Variants in UNC13A observed in about 807,000 individuals in gnomAD.
UNC13A encodes protein unc-13 homolog A.
Under a neutral mutation model 219.7 loss-of-function variants are expected in UNC13A, and 61 were observed. That is an observed-to-expected ratio of 0.28 (90% CI 0.23 to 0.34). UNC13A has a LOEUF of 0.34. Among genes scored for constraint, UNC13A ranks in the 10% least tolerant of loss-of-function variants. The pLI, the probability that UNC13A is intolerant of heterozygous loss-of-function variation, is 1.00. For synonymous variants in UNC13A, 920 were observed against 884.6 expected (o/e 1.04, Z -0.71); for missense variants, 1,476 against 2,270.3 (o/e 0.65, Z 7.11).
At chr19:17,608,117 G>T (rs2076554269) in intron 43 of UNC13A, among the ~76,000 whole-genome samples, 1 of 148,856 alleles carries the variant, frequency 6.7e-6, no homozygotes, top group Non-Finnish European at 1.5e-5. Context: ...CGCCATCTTG[G>T]GTCATTGCAG....
At chr19:17,609,639 G>A (rs552783394) in intron 43 of UNC13A, among the ~76,000 whole-genome samples, 1 of 151,980 alleles carries the variant, frequency 6.6e-6, no homozygotes, top group South Asian at 2.1e-4. Context: ...TGCCCACCAT[G>A]CACTTCCTGC....
At chr19:17,611,544 A>G (rs1040144287) in intron 42 of UNC13A, among the ~76,000 whole-genome samples, 1 of 152,302 alleles carries the variant, frequency 6.6e-6, no homozygotes, top group Middle Eastern at 3.4e-3. Context: ...AAAAGCCAAG[A>G]AAAGGAAAGC....
chr19:17,618,567 G>T, intron 39 of UNC13A, 66 bp from the exon 40 acceptor site: 1 of 1,488,064 alleles, frequency 6.7e-7, no homozygotes, highest in Non-Finnish European at 9.2e-7. Flanking sequence ...TGTGTCTATG[G>T]GTCTCATCCC....
rs1375384921 is a variant in UNC13A at position 17,649,310 on chromosome 19, C to A, written c.1524+29G>T. On this transcript the variant is annotated intron_variant, in intron 14 of 43. Coordinates refer to ENST00000519716, the MANE Select transcript of UNC13A (RefSeq NM_001080421.3). This position sits in a 1 kb window ranked among gnomAD's most constrained non-coding sequence, Gnocchi z 4.4. The stretch of plus-strand genomic sequence containing the variant: ...CAGTGGGGGAGTTTGGGGAGAAGAT[C>A]CCAAGAGGCCCATGTCGCCATCACT... 1 of 1,567,024 alleles carries A rather than the reference C, an allele frequency of 6.4e-7. No homozygotes were observed. Among genetic ancestry groups the A allele is most frequent in the South Asian group, 1.2e-5 (1 of 86,554 alleles).
At chr19:17,633,272 C>G in intron 26 of UNC13A, 79 bp from the exon 27 acceptor site, 1 of 1,276,418 alleles carries the variant, frequency 7.8e-7, no homozygotes, top group Non-Finnish European at 1.1e-6. Flanking sequence ...CCCTGCCCCA[C>G]AGAGGAGTGT....
intron 11 of UNC13A, 124 bp downstream of exon 11, chr19:17,655,150 T>G (rs1306899333): frequency 2.5e-6 from 2 of 790,570 alleles, no homozygotes; most frequent in Non-Finnish European, 4.3e-6. Flanking sequence ...AGGCTAGGCT[T>G]GGGTACGGGT....
At chr19:17,646,162 G>T in intron 17 of UNC13A, 51 bp from the exon 18 acceptor site, 1 of 1,604,206 alleles carries the variant, frequency 6.2e-7, no homozygotes. Context: ...AGCGAGGCAT[G>T]CTGGGGACAG....
At chr19:17,679,778 C>A (rs1351734935) in intron 1 of UNC13A, among the ~76,000 whole-genome samples, 1 of 152,146 alleles carries the variant, frequency 6.6e-6, no homozygotes, top group Non-Finnish European at 1.5e-5. Context: ...TCTGTTCTCT[C>A]CTTCTCTCTC....
At chr19:17,679,758 T>C (rs2079970930) in intron 1 of UNC13A, among the ~76,000 whole-genome samples, 1 of 152,076 alleles carries the variant, frequency 6.6e-6, no homozygotes, top group South Asian at 2.1e-4. Context: ...CTGGTCGTCT[T>C]CTTTTGGTCT....
Position 17,639,433 on chromosome 19 carries a change from T to C in UNC13A, c.2946+3A>G. ...GAGCAAAGGCAACTGGATCCTTTCC[T>C]ACCTTCATCCGAAAGAAGGTGATGC... is the stretch of plus-strand genomic sequence containing the variant. On this transcript the variant is annotated splice_donor_region_variant and intron_variant, in intron 24 of 43. Coordinates refer to ENST00000519716, the MANE Select transcript of UNC13A (RefSeq NM_001080421.3). 1 of 1,611,912 alleles carries C rather than the reference T, an allele frequency of 6.2e-7. No individual in the cohort carries two copies. Among genetic ancestry groups the C allele is most frequent in the Non-Finnish European group, 8.5e-7 (1 of 1,179,066 alleles).
intron 20 of UNC13A, among the ~76,000 whole-genome samples, chr19:17,642,278 C>A (rs2076979338): frequency 6.6e-6 from 1 of 151,966 alleles, no homozygotes; most frequent in South Asian, 2.1e-4. Flanking sequence ...CTAACAATTA[C>A]CCCCAAATTC....
chr19:17,668,804 T>C (rs539739572), intron 5 of UNC13A, among the ~76,000 whole-genome samples: 2 of 151,374 alleles, frequency 1.3e-5, no homozygotes, highest in African/African-American at 4.9e-5. Context: ...TTTTTATTTT[T>C]ATTTTTTTAG....
At chr19:17,628,965 TCACA>T (rs148478994) in intron 31 of UNC13A, among the ~76,000 whole-genome samples, 2 of 149,246 alleles carry the variant, frequency 1.3e-5, no homozygotes, top group Non-Finnish European at 3.0e-5. Flanking sequence ...GTGCACAGAC[TCACA>T]CACACACACA....
rs1331001892 is a variant in UNC13A at position 17,605,662 on chromosome 19, A to AG, written c.*391dup. 1 of 179,016 alleles carries AG rather than the reference A, an allele frequency of 5.6e-6. No individual in the cohort carries two copies. The highest frequency in any genetic ancestry group is 2.4e-5 in the African/African-American group (1 of 42,404). 11.1% of individuals were successfully genotyped at this position (179,016 alleles called of 1,614,324 possible). Reference sequence around the variant, plus strand: ...TACTTGGCAATTGGTCTGGGGTCCCAGGGGTCTGGGTCCCATCTTATGGCT... The same window carrying AG: ...TACTTGGCAATTGGTCTGGGGTCCCAGGGGGTCTGGGTCCCATCTTATGGCT... On this transcript the variant is annotated 3_prime_UTR_variant, in exon 44 of 44. Coordinates refer to ENST00000519716, the MANE Select transcript of UNC13A (RefSeq NM_001080421.3).
In UNC13A at chr19:17,633,241, G is replaced by A. The variant is rs374758359; in HGVS notation, c.3216-48C>T. 21 of 1,565,276 alleles carry A rather than the reference G, an allele frequency of 1.3e-5. No homozygotes were observed. In the African/African-American group the frequency reaches 2.7e-4, roughly 20 times the overall value. On this transcript the variant is annotated intron_variant, in intron 26 of 43. Coordinates refer to ENST00000519716, the MANE Select transcript of UNC13A (RefSeq NM_001080421.3). ...AAACTTTGGCAGGCAGAAGGCAGAT[G>A]GGATGGGCTGCTTTGTCCTTCCCTG...
Position 17,658,979 on chromosome 19 carries a change from T to TA in UNC13A, c.560-711dup, listed in dbSNP as rs887542816. 1.5e-4 allele frequency among the ~76,000 whole-genome samples: 22 copies of TA among 147,288 alleles called. No homozygotes were observed. In the South Asian group the frequency reaches 1.5e-3, roughly 10 times the overall value. ...AAAGAACAGTTTGTTTTCTAAATCC[T>TA]AAAAAAAAAAATTCCAATTCTAAAA... On this transcript the variant is annotated intron_variant, in intron 8 of 43. Coordinates refer to ENST00000519716, the MANE Select transcript of UNC13A (RefSeq NM_001080421.3).
intron 19 of UNC13A, among the ~76,000 whole-genome samples, chr19:17,643,308 G>C (rs1389772783): frequency 6.6e-6 from 1 of 150,644 alleles, no homozygotes; most frequent in Non-Finnish European, 1.5e-5. Flanking sequence ...CACCGCGCCC[G>C]GCCAGCCATG....
intron 12 of UNC13A, among the ~76,000 whole-genome samples, chr19:17,651,610 A>G (rs2079349907): frequency 6.6e-6 from 1 of 152,138 alleles, no homozygotes; most frequent in Non-Finnish European, 1.5e-5. Context: ...CAACCTACAA[A>G]GCTTTCTGCA....
At chr19:17,666,783 T>A in intron 6 of UNC13A, 79 bp from the exon 7 acceptor site, 1 of 1,174,944 alleles carries the variant, frequency 8.5e-7, no homozygotes, top group South Asian at 2.6e-5. Context: ...CTCTGTTCTG[T>A]CCCATCCCGA....
Sources: allele counts gnomAD v4.1 joint callset (sites outside exome capture counted in the v4.1 genomes callset), GRCh38; gene constraint gnomAD v4.1.1; non-coding constraint Gnocchi (gnomAD v3.1); transcripts MANE v1.5; gene names NCBI Gene and HGNC (gene_info 2026-07-23, HGNC 2026-07-21).